CCT2: variants seen among roughly 807,000 people sequenced by gnomAD.
CCT2 encodes the protein T-complex protein 1 subunit beta.
In CCT2, 18 loss-of-function variants were observed where a neutral mutation model predicts 61.8. The observed-to-expected ratio is 0.29, with a 90% CI of 0.20 to 0.43. The LOEUF (loss-of-function observed/expected upper bound fraction) is 0.43, where lower values mean the gene tolerates loss of function less well. Ranked by LOEUF, CCT2 falls within the 20% of genes least tolerant of loss-of-function variation. CCT2 has a pLI of 1.00. For missense variants in CCT2, 556 were observed against 656.9 expected, an observed-to-expected ratio of 0.85 and a Z score of 1.68; for synonymous variants, 248 against 215.9, an observed-to-expected ratio of 1.15 and a Z score of -1.30.
rs1369534449 is a variant in CCT2, at chr12:69,587,565, A to G, written c.205A>G (p.Thr69Ala). ...ASLMVTNDGA[T>A]ILKNIGVDNP... is the part of the protein sequence containing the mutation. ...TCTTATGGTAACCAATGATGGTGCC[A>G]CTATTCTAAAAAACATTGGTGTTGA... is the stretch of plus-strand genomic sequence containing the variant. The change falls in exon 4 of 16, where the codon ACT becomes GCT. Residue 69 changes from threonine to alanine, a missense_variant. Coordinates refer to ENST00000299300, the MANE Select transcript of CCT2 (RefSeq NM_006431.3). 4 of 1,613,734 alleles carry G rather than the reference A, an allele frequency of 2.5e-6. No homozygotes were observed. Among genetic ancestry groups the G allele is most frequent in the Admixed American group, 1.7e-5 (1 of 59,996 alleles).
chr12:69,597,425 A>C, intron 11 of CCT2, 150 bp downstream of exon 11: 1 of 1,148,714 alleles, frequency 8.7e-7, no homozygotes, highest in Non-Finnish European at 1.2e-6. Context: ...CTCTTGAGTC[A>C]ACCTCATATT....
chr12:69,597,288 G>T lies in CCT2; in HGVS notation c.1102+13G>T, dbSNP rs1882019614. 1.2e-6 allele frequency: 2 copies of T among 1,613,508 alleles called. No individual in the cohort carries two copies. Among genetic ancestry groups the T allele is most frequent in the African/African-American group, 1.3e-5 (1 of 75,050 alleles). On this transcript the variant is annotated intron_variant, in intron 11 of 15. Coordinates refer to ENST00000299300, the MANE Select transcript of CCT2 (RefSeq NM_006431.3). ...GGGGTTGCCCTTGGTGAGTGATTATGTAGATCCTGGTTAGGGTGTCTAAAT... is the reference window on the plus strand; with the variant it reads ...GGGGTTGCCCTTGGTGAGTGATTATTTAGATCCTGGTTAGGGTGTCTAAAT...
At position 69,586,285 on chromosome 12, in the gene CCT2, G is replaced by T; in HGVS notation, c.19G>T (p.Ala7Ser). 1 of 1,613,342 alleles carries T rather than the reference G, an allele frequency of 6.2e-7. No homozygotes were observed. Among genetic ancestry groups the T allele is most frequent in the Non-Finnish European group, 8.5e-7 (1 of 1,179,330 alleles). Reference sequence around the variant, plus strand: ...TCCTTTTCAGGCGTCCCTTTCCCTTGCACCTGTTAACATCTTTAAGGCAGG... The same window carrying T: ...TCCTTTTCAGGCGTCCCTTTCCCTTTCACCTGTTAACATCTTTAAGGCAGG... The part of the protein sequence containing the change: MASLSL[A>S]PVNIFKAGAD... Residue 7 changes from alanine to serine, a missense_variant, in exon 2 of 16, where the codon GCA becomes TCA. Around this residue, in one of 3 missense-constraint regions of CCT2, gnomAD observed 308 missense variants for 350.6 expected, o/e 0.88. Coordinates refer to ENST00000299300, the MANE Select transcript of CCT2 (RefSeq NM_006431.3).
At chr12:69,595,410 C>A (rs568790997) in intron 10 of CCT2, among the ~76,000 whole-genome samples, 1 of 152,068 alleles carries the variant, frequency 6.6e-6, no homozygotes, top group Non-Finnish European at 1.5e-5. Context: ...TGTAAGAGGC[C>A]GGGTGTGGTG....
In CCT2 at chr12:69,598,024, G is replaced by A; in HGVS notation, c.1288G>A (p.Gly430Ser). Residue 430 changes from glycine to serine, a missense_variant, in exon 13 of 16, where the codon GGC becomes AGC. This residue lies in a region of CCT2 where 225 missense variants were observed against 249.8 expected (regional missense o/e 0.90). Transcript: ENST00000299300. ...GACACAGCTTGCCAATAGAACACCA[G>A]GCAAAGAAGCTGTTGCAATGGAGTC... ...AVTQLANRTP[G>S]KEAVAMESYA... 1.2e-6 allele frequency: 2 copies of A among 1,613,984 alleles called. No homozygotes were observed. The highest frequency in any genetic ancestry group is 3.3e-5 in the Admixed American group (2 of 60,000).
intron 7 of CCT2, among the ~76,000 whole-genome samples, chr12:69,590,919 A>G (rs1432381516): frequency 1.3e-5 from 2 of 151,472 alleles, no homozygotes; most frequent in African/African-American, 4.9e-5. Context: ...GGGTATCGCC[A>G]TGTTGACCAG....
At chr12:69,596,490 T>C (rs1011188403) in intron 10 of CCT2, among the ~76,000 whole-genome samples, 7 of 152,174 alleles carry the variant, frequency 4.6e-5, no homozygotes, top group Admixed American at 4.6e-4. Flanking sequence ...GCATGGAAGA[T>C]GGAGGGAAAA....
chr12:69,591,707 T>A (rs1156259087), intron 7 of CCT2, among the ~76,000 whole-genome samples: 1 of 152,236 alleles, frequency 6.6e-6, no homozygotes, highest in Admixed American at 6.5e-5. Flanking sequence ...TAATAACTCT[T>A]CTAGTGGGAT....
At chr12:69,588,961 T>TA (rs1194500628) in intron 6 of CCT2, among the ~76,000 whole-genome samples, 1 of 152,242 alleles carries the variant, frequency 6.6e-6, no homozygotes, top group Non-Finnish European at 1.5e-5. Context: ...GTCTCGCTCT[T>TA]AGAGTTGCCC....
In CCT2 at chr12:69,598,532, T is replaced by C. The variant is rs1882059340; in HGVS notation, c.1435+111T>C. The C allele has an allele frequency of 5.4e-6, 3 of 555,500 alleles. No homozygotes were observed. The Admixed American group carries it at 1.1e-4, about 21-fold the overall frequency. The allele number at this position is 555,500 out of a possible 1,614,324, so 34.4% of individuals were successfully genotyped here. On this transcript the variant is annotated intron_variant, in intron 14 of 15. Coordinates refer to ENST00000299300, the MANE Select transcript of CCT2 (RefSeq NM_006431.3). The stretch of plus-strand genomic sequence containing the variant: ...TACAATAACCGTATAAAAGACTCTT[T>C]TGGACTTTGTCCTCATAATCATTAC...
chr12:69,593,393 CTT>C (rs941293730), intron 9 of CCT2, 115 bp from the exon 10 acceptor site: 4 of 686,626 alleles, frequency 5.8e-6, no homozygotes, highest in African/African-American at 1.8e-5. Context: ...GAAATGCAAT[CTT>C]GTTCTAATTT....
chr12:69,596,202 A>T (rs1881984883), intron 10 of CCT2, among the ~76,000 whole-genome samples: 1 of 152,336 alleles, frequency 6.6e-6, no homozygotes, highest in East Asian at 1.9e-4. Flanking sequence ...AAGCAGTCTC[A>T]GAATTTTGCC....
At chr12:69,595,922 T>C (rs1881975508) in intron 10 of CCT2, among the ~76,000 whole-genome samples, 2 of 152,148 alleles carry the variant, frequency 1.3e-5, no homozygotes, top group African/African-American at 4.8e-5. Flanking sequence ...AATAAATGTC[T>C]TGCACTGGGC....
At chr12:69,590,314 C>T (rs558699096) in intron 7 of CCT2, among the ~76,000 whole-genome samples, 9 of 152,028 alleles carry the variant, frequency 5.9e-5, no homozygotes, top group Admixed American at 2.6e-4. Context: ...CAGTCCCCTT[C>T]GTATACTGGG....
In CCT2 at chr12:69,599,987, C is replaced by G. The variant is rs11324; in HGVS notation, c.1560C>G (p.Ile520Met). 2.4e-5 allele frequency: 39 copies of G among 1,611,780 alleles called. No homozygotes were observed. Among genetic ancestry groups the G allele is most frequent in the Non-Finnish European group, 3.2e-5 (38 of 1,178,980 alleles). The change falls in exon 15 of 16, where the codon ATC becomes ATG. Residue 520 changes from isoleucine (I) to methionine (M), a missense_variant. Ile to Met is a conservative substitution (Grantham distance 10). Around this residue, in one of 3 missense-constraint regions of CCT2, gnomAD observed 225 missense variants for 249.8 expected, o/e 0.90. Coordinates refer to ENST00000299300, the MANE Select transcript of CCT2 (RefSeq NM_006431.3). ...AGGTGATTCTGCGTGTGGACAACAT[C>G]ATCAAAGCGGCACCCAGGTACCCTA... is the stretch of plus-strand genomic sequence containing the variant. The part of the protein sequence containing the change: ...AAEVILRVDN[I>M]IKAAPRKRVP...
chr12:69,596,228 G>T (rs528300705), intron 10 of CCT2, among the ~76,000 whole-genome samples: 1 of 146,894 alleles, frequency 6.8e-6, no homozygotes, highest in East Asian at 2.1e-4. Context: ...AAAGTAAAAA[G>T]AACTTTATAC....
In CCT2 at chr12:69,592,961, C is replaced by T; in HGVS notation, c.751-15C>T. On this transcript the variant is annotated splice_polypyrimidine_tract_variant and intron_variant, in intron 8 of 15. Coordinates refer to ENST00000299300, the MANE Select transcript of CCT2 (RefSeq NM_006431.3). ...TAATGAAACTGATGCTCTCTTTATG[C>T]TTCGTTTGTCTTAGATATTTGGTTC... The T allele has an allele frequency of 1.2e-6, 2 of 1,609,486 alleles. No individual in the cohort carries two copies. The highest frequency in any genetic ancestry group is 2.2e-5 in the East Asian group (1 of 44,772).
In CCT2 at chr12:69,585,461, T is replaced by C. The variant is rs544552585; in HGVS notation, c.-61T>C. ...TGGCGTCACTTCCGGCTTCCTTCAG[T>C]CCGCTGGTCCCGAGCACGAGCTGTG... is the stretch of plus-strand genomic sequence containing the variant. On this transcript the variant is annotated 5_prime_UTR_variant, in exon 1 of 16. Coordinates refer to ENST00000299300, the MANE Select transcript of CCT2 (RefSeq NM_006431.3). 9 of 1,549,876 alleles carry C rather than the reference T, an allele frequency of 5.8e-6. No individual in the cohort carries two copies. Among genetic ancestry groups the C allele is most frequent in the Non-Finnish European group, 7.9e-6 (9 of 1,144,664 alleles).
intron 1 of CCT2, chr12:69,585,736 TC>T: frequency 6.9e-7 from 1 of 1,454,798 alleles, no homozygotes; most frequent in Non-Finnish European, 9.0e-7. Context: ...AAAGCCAGCG[TC>T]TCCTTGTGCC....
Sources: gnomAD v4.1 joint callset for allele counts (sites outside exome capture counted in the v4.1 genomes callset) on GRCh38, gnomAD v4.1.1 for gene constraint, gnomAD v4.1.1 regional missense constraint, MANE v1.5 for transcripts, NCBI Gene and HGNC (gene_info 2026-07-23, HGNC 2026-07-21) for gene names.